The following FBLN7 variants were observed in gnomAD, a reference collection of about 807,000 sequenced individuals.
The protein encoded by FBLN7 is fibulin 7.
FBLN7 carries 31 observed loss-of-function variants against 44.0 expected under a neutral mutation model. The observed-to-expected ratio is 0.70, with a 90% CI of 0.53 to 0.95. The LOEUF (loss-of-function observed/expected upper bound fraction) is 0.95. Ranked by LOEUF, FBLN7 falls within the 40% of genes least tolerant of loss-of-function variation. The probability of loss-of-function intolerance (pLI) is 0.00; values close to 1 mark genes in which losing one functional copy is unlikely to be tolerated. For synonymous variants in FBLN7, 262 were observed against 253.4 expected (o/e 1.03, Z -0.32); for missense variants, 573 against 618.5 (o/e 0.93, Z 0.78).
rs186099376 is a variant in FBLN7 at position 112,173,039 on chromosome 2, C to T, written c.407-2675C>T. 1.3e-3 allele frequency among the ~76,000 whole-genome samples: 205 copies of T among 152,214 alleles called. 1 individual carries two copies. Among genetic ancestry groups the T allele is most frequent in the African/African-American group, 4.0e-3 (168 of 41,528 alleles). On this transcript the variant is annotated intron_variant, in intron 3 of 7. Transcript: ENST00000331203. ...AGTCTTAATATTAAGGAGACTTTAACGGGAGGAGAGTCCAAACTGTGCACA... is the reference window on the plus strand; with the variant it reads ...AGTCTTAATATTAAGGAGACTTTAATGGGAGGAGAGTCCAAACTGTGCACA...
At chr2:112,185,630 G>T (rs1164376759) in intron 7 of FBLN7, among the ~76,000 whole-genome samples, 3 of 152,184 alleles carry the variant, frequency 2.0e-5, no homozygotes, top group Non-Finnish European at 2.9e-5. Flanking sequence ...CAAAGCCAGG[G>T]CAGGCACTGA....
At chr2:112,139,400 T>C (rs865971247) in intron 1 of FBLN7, among the ~76,000 whole-genome samples, 6 of 13,012 alleles carry the variant, frequency 4.6e-4, no homozygotes, top group Admixed American at 5.6e-4. Flanking sequence ...TCCAGGCCAG[T>C]GTCCCTCCCG....
chr2:112,199,120 A>G, the FBLN7 span, among the ~76,000 whole-genome samples: 3 of 152,218 alleles, frequency 2.0e-5, no homozygotes, highest in Admixed American at 2.0e-4. Flanking sequence ...AATCAAGATC[A>G]AAAGTGAGTC....
chr2:112,159,622 T>C (rs757743048), intron 1 of FBLN7, 54 bp from the exon 2 acceptor site: 195 of 1,435,216 alleles, frequency 1.4e-4, no homozygotes, highest in Non-Finnish European at 1.7e-4. Context: ...CAGACAAGCA[T>C]GTGGGACTGA....
chr2:112,231,269 G>A, the FBLN7 span, among the ~76,000 whole-genome samples: 2 of 152,014 alleles, frequency 1.3e-5, no homozygotes, highest in African/African-American at 4.8e-5. Flanking sequence ...GGAACATTTT[G>A]CCAGAAGATC....
chr2:112,175,681 A>C, intron 3 of FBLN7, 33 bp from the exon 4 acceptor site: 1 of 1,612,988 alleles, frequency 6.2e-7, no homozygotes, highest in East Asian at 2.2e-5. Flanking sequence ...TAGAACTCAC[A>C]TCCGTATATT....
At chr2:112,157,954 TGGCGC>T (rs890217517) in intron 1 of FBLN7, among the ~76,000 whole-genome samples, 21 of 148,330 alleles carry the variant, frequency 1.4e-4, no homozygotes, top group Admixed American at 1.2e-3. Context: ...TGGAGTGCAG[TGGCGC>T]GATCTCGGCT....
At chr2:112,240,725 G>C in the FBLN7 span, among the ~76,000 whole-genome samples, 1 of 152,158 alleles carries the variant, frequency 6.6e-6, no homozygotes, top group African/African-American at 2.4e-5. Flanking sequence ...ATTCTTTTCA[G>C]AGGGCATTGA....
the FBLN7 span, among the ~76,000 whole-genome samples, chr2:112,216,984 A>G: frequency 2.0e-5 from 3 of 152,236 alleles, no homozygotes; most frequent in Admixed American, 2.0e-4. Flanking sequence ...TAATCCACTT[A>G]TCAAAAGAAA....
chr2:112,151,195 A>G (rs1277453287), intron 1 of FBLN7: 2 of 152,312 alleles, frequency 1.3e-5, no homozygotes, highest in African/African-American at 2.4e-5. Flanking sequence ...GCAAACGGGA[A>G]GGGAAGGGTC....
chr2:112,143,760 TG>T lies in FBLN7; in HGVS notation c.75+5031del, dbSNP rs201351233. ...TGTCATACAATTTTTTATTTTATTT[TG>T]TTTTAGAGACAGGGTTTTGCCATGT... On this transcript the variant is annotated intron_variant, in intron 1 of 7. Coordinates refer to ENST00000331203, the MANE Select transcript of FBLN7 (RefSeq NM_153214.3). 1.0e-3 allele frequency among the ~76,000 whole-genome samples: 152 copies of T among 152,302 alleles called. 2 individuals carry two copies. The East Asian group carries it at 0.027, about 27-fold the overall frequency.
chr2:112,216,795 T>C, the FBLN7 span, among the ~76,000 whole-genome samples: 1 of 151,128 alleles, frequency 6.6e-6, no homozygotes, highest in South Asian at 2.1e-4. Flanking sequence ...AGAATAAATT[T>C]GAATGGAAAC....
At chr2:112,218,326 A>T in the FBLN7 span, among the ~76,000 whole-genome samples, 1 of 152,338 alleles carries the variant, frequency 6.6e-6, no homozygotes, top group South Asian at 2.1e-4. Flanking sequence ...TTTAGAAACC[A>T]GGCAGTCTCA....
intron 2 of FBLN7, among the ~76,000 whole-genome samples, chr2:112,160,771 CA>C (rs1558880248): frequency 5.5e-4 from 23 of 41,548 alleles, no homozygotes; most frequent in Admixed American, 1.5e-3. Context: ...CACGCACACG[CA>C]GACGCACACG....
In FBLN7 at chr2:112,169,616, C is replaced by T. The variant is rs201613314; in HGVS notation, c.406+4445C>T. On this transcript the variant is annotated intron_variant, in intron 3 of 7. Transcript: ENST00000331203. ...TTTAACCTTCATTCTTTCATTCAGC[C>T]AATTTTTACTGAGCACCAGCCATTC... is the stretch of plus-strand genomic sequence containing the variant. Among the ~76,000 whole-genome samples, 9 of 152,282 alleles carry T rather than the reference C, an allele frequency of 5.9e-5. No individual in the cohort carries two copies. The East Asian group carries it at 1.7e-3, about 29-fold the overall frequency.
chr2:112,144,740 T>TG (rs1680826372), intron 1 of FBLN7, among the ~76,000 whole-genome samples: 1 of 152,174 alleles, frequency 6.6e-6, no homozygotes. Flanking sequence ...TTAGCCAGGA[T>TG]GGTCTCTATC....
chr2:112,176,235 T>G (rs1261467639), intron 4 of FBLN7: 1 of 161,774 alleles, frequency 6.2e-6, no homozygotes, highest in Non-Finnish European at 1.3e-5. Flanking sequence ...CAGCTATTGA[T>G]GCAGGCCCAA....
chr2:112,145,180 T>C (rs923080814), intron 1 of FBLN7, among the ~76,000 whole-genome samples: 1 of 152,252 alleles, frequency 6.6e-6, no homozygotes, highest in African/African-American at 2.4e-5. Context: ...TTAATTTCCA[T>C]TTCCCTAATG....
At chr2:112,172,627 C>CTTTTTTTTTTTTT (rs35062438) in intron 3 of FBLN7, among the ~76,000 whole-genome samples, 6 of 88,130 alleles carry the variant, frequency 6.8e-5, no homozygotes, top group East Asian at 3.7e-4. Flanking sequence ...CTTTTTCTTT[C>CTTTTTTTTTTTTT]TTTTTTTTTT....
Sources: allele counts gnomAD v4.1 joint callset (sites outside exome capture counted in the v4.1 genomes callset), GRCh38; gene constraint gnomAD v4.1.1; transcripts MANE v1.5; gene names NCBI Gene and HGNC (gene_info 2026-07-23, HGNC 2026-07-21).